GPR108: variants seen among roughly 807,000 people sequenced by gnomAD.
The protein encoded by GPR108 is protein GPR108.
In GPR108, 60 loss-of-function variants were observed where a neutral mutation model predicts 74.3. That is an observed-to-expected ratio of 0.81 (90% confidence interval 0.66 to 1.00). The LOEUF (loss-of-function observed/expected upper bound fraction) is 1.00. Among genes scored for constraint, GPR108 ranks in the 50% least tolerant of loss-of-function variants. The pLI, the probability that GPR108 is intolerant of heterozygous loss-of-function variation, is 0.00. For synonymous variants in GPR108, 311 were observed against 292.4 expected (o/e 1.06, Z -0.65); for missense variants, 667 against 703.3 (o/e 0.95, Z 0.58).
At chr19:6,731,962 G>T in intron 13 of GPR108, 28 bp from the exon 14 acceptor site, 3 of 1,613,322 alleles carry the variant, frequency 1.9e-6, no homozygotes, top group Non-Finnish European at 1.7e-6. Flanking sequence ...CACAGGGTAC[G>T]GTCAGCGCGG....
chr19:6,736,110 G>A, intron 2 of GPR108, 152 bp from the exon 3 acceptor site: 1 of 698,822 alleles, frequency 1.4e-6, no homozygotes, highest in Non-Finnish European at 2.4e-6. Flanking sequence ...TAGAGTTGGG[G>A]TGGTGGGTGG....
Position 6,731,190 on chromosome 19 carries a change from C to G in GPR108, c.1434+9G>C. 1 of 1,598,258 alleles carries G rather than the reference C, an allele frequency of 6.3e-7. No individual in the cohort carries two copies. The highest frequency in any genetic ancestry group is 8.5e-7 in the Non-Finnish European group (1 of 1,170,162). ...CCGCCCTCCCGTCCCACCTGGGCCT[C>G]GGGCTCACCTGGTACAGCCACTGCC... On this transcript the variant is annotated intron_variant, in intron 16 of 17. Transcript: ENST00000264080.
chr19:6,730,295 C>T lies in GPR108; in HGVS notation c.*17G>A, dbSNP rs1568234618. 6.2e-7 allele frequency: 1 copy of T among 1,610,838 alleles called. No homozygotes were observed. The highest frequency in any genetic ancestry group is 8.5e-7 in the Non-Finnish European group (1 of 1,177,212). On this transcript the variant is annotated 3_prime_UTR_variant, in exon 18 of 18. Transcript: ENST00000264080. Reference sequence around the variant, plus strand: ...TGCTGGGGGAGGACGACCCTTTGGTCTGAGATGTGGAGGTGATCATAACAG... The same window carrying T: ...TGCTGGGGGAGGACGACCCTTTGGTTTGAGATGTGGAGGTGATCATAACAG...
Position 6,730,990 on chromosome 19 carries a change from T to C in GPR108, c.1556A>G (p.Gln519Arg). 6.5e-7 allele frequency: 1 copy of C among 1,534,034 alleles called. No homozygotes were observed. Among genetic ancestry groups the C allele is most frequent in the Non-Finnish European group, 8.9e-7 (1 of 1,129,436 alleles). The part of the protein sequence containing the change: ...QEDEEDVQME[Q>R]VMTDSGFREG... ...CTGCCCATGGTGCCCAGCTCACACTTGCTCCATCTGAACATCCTCCTCGTC... is the reference window on the plus strand; with the variant it reads ...CTGCCCATGGTGCCCAGCTCACACTCGCTCCATCTGAACATCCTCCTCGTC... Residue 519 changes from glutamine (Q) to arginine (R), a missense_variant, in exon 17 of 18, where the codon CAA becomes CGA. Physicochemically the swap from Gln to Arg is conservative, Grantham distance 43. Transcript: ENST00000264080.
intron 1 of GPR108, chr19:6,737,213 C>A: frequency 1.9e-6 from 1 of 535,716 alleles, no homozygotes; most frequent in Non-Finnish European, 3.3e-6. Context: ...GGTGTAGTCC[C>A]CAAGAGATGG....
At position 6,734,299 on chromosome 19, in the gene GPR108, A is replaced by G. The variant is rs780287270; in HGVS notation, c.383T>C (p.Val128Ala). 8 of 1,599,066 alleles carry G rather than the reference A, an allele frequency of 5.0e-6. No homozygotes were observed. The highest frequency in any genetic ancestry group is 1.7e-5 in the Admixed American group (1 of 59,790). ...CGTCTTCTGCTCTCCATACTTCCGC[A>G]CCTGGACCCTGGGGTGAGGGTGGGG... ...LINTKDLQVQ[V>A]RKYGEQKTLF... Residue 128 changes from valine (V) to alanine (A), a missense_variant, in exon 5 of 18, where the codon GTG becomes GCG. Physicochemically the swap from Val to Ala is moderately conservative, Grantham distance 64. Coordinates refer to ENST00000264080, the MANE Select transcript of GPR108 (RefSeq NM_001080452.2).
chr19:6,733,067 T>TG lies in GPR108; in HGVS notation c.858-6dup. 1 of 1,612,410 alleles carries TG rather than the reference T, an allele frequency of 6.2e-7. No homozygotes were observed. The highest frequency in any genetic ancestry group is 1.7e-5 in the Admixed American group (1 of 59,858). On this transcript the variant is annotated splice_polypyrimidine_tract_variant and splice_region_variant and intron_variant, in intron 9 of 17. Transcript: ENST00000264080. ...TGGATCTTGAAGACGCTGTACCTGG[T>TG]GGGAGGGTCAGGGAGAGATGGGGGT... is the stretch of plus-strand genomic sequence containing the variant.
Position 6,732,263 on chromosome 19 carries a change from C to G in GPR108, c.1125G>C (p.Gln375His). The change falls in exon 12 of 18, where the codon CAG (glutamine) becomes CAC (histidine). Residue 375 changes from glutamine to histidine, a missense_variant and splice_region_variant. Transcript: ENST00000264080. Reference sequence around the variant, plus strand: ...GCTCCGGAGGCTGCTCCATCCGCACCTGCATGGGGATCACGATCCCAAAGA... The same window carrying G: ...GCTCCGGAGGCTGCTCCATCCGCACGTGCATGGGGATCACGATCCCAAAGA... ...KKVFGIVIPM[Q>H]VLANVAYIII... 1.2e-6 allele frequency: 2 copies of G among 1,612,180 alleles called. No individual in the cohort carries two copies. Among genetic ancestry groups the G allele is most frequent in the South Asian group, 2.2e-5 (2 of 91,088 alleles).
intron 4 of GPR108, chr19:6,735,356 C>A: frequency 2.5e-6 from 1 of 404,600 alleles, no homozygotes; most frequent in Non-Finnish European, 4.5e-6. Flanking sequence ...AGCTCCGGGA[C>A]ACCGGAAGCA....
In GPR108 at chr19:6,733,828, G is replaced by A; in HGVS notation, c.618+17C>T. ...CTCTGGGGTGACGGAAGGGCCGCAGGCGCTGCAAACACTCACACTGAAGTT... is the reference window on the plus strand; with the variant it reads ...CTCTGGGGTGACGGAAGGGCCGCAGACGCTGCAAACACTCACACTGAAGTT... On this transcript the variant is annotated intron_variant, in intron 7 of 17. Transcript: ENST00000264080. 1.9e-6 allele frequency: 3 copies of A among 1,613,782 alleles called. No individual in the cohort carries two copies. The highest frequency in any genetic ancestry group is 1.1e-5 in the South Asian group (1 of 91,072).
At chr19:6,734,848 C>CATCATCATTATT in intron 4 of GPR108, among the ~76,000 whole-genome samples, 1 of 139,724 alleles carries the variant, frequency 7.2e-6, no homozygotes, top group East Asian at 2.1e-4. Context: ...GCCAGCCCTA[C>CATCATCATTATT]ATTATTATTA....
In GPR108 at chr19:6,735,918, C is replaced by G. The variant is rs11539588; in HGVS notation, c.281G>C (p.Arg94Pro). Reference sequence around the variant, plus strand: ...ATGCCCTCCACTCACTGAATAGGAGCGAACTCTGCCAGACCGAACCCGGCT... The same window carrying G: ...ATGCCCTCCACTCACTGAATAGGAGGGAACTCTGCCAGACCGAACCCGGCT... ...SLSRVRSGRV[R>P]SYSTRDFQDC... Residue 94 changes from arginine (R) to proline (P), a missense_variant, in exon 3 of 18, where the codon CGC (arginine) becomes CCC (proline). Arg to Pro is a moderately radical substitution (Grantham distance 103, BLOSUM62 -2). Transcript: ENST00000264080. The G allele has an allele frequency of 1.9e-6, 3 of 1,611,606 alleles. No homozygotes were observed. The highest frequency in any genetic ancestry group is 2.2e-5 in the South Asian group (2 of 90,638).
In GPR108 at chr19:6,735,784, C is replaced by G. The variant is rs919983295; in HGVS notation, c.292-80G>C. The G allele has an allele frequency of 9.4e-5, 144 of 1,540,096 alleles. 2 individuals are homozygous for G. The African/African-American group carries it at 1.8e-3, about 19-fold the overall frequency. On this transcript the variant is annotated intron_variant, in intron 3 of 17. Transcript: ENST00000264080. ...CCACCCTGTCTCCCTCCCTGTCCAC[C>G]CACGGGATCTTCCTGCTCCTGCCTC... is the stretch of plus-strand genomic sequence containing the variant.
intron 1 of GPR108, 176 bp downstream of exon 1, chr19:6,737,281 C>T (rs1327313920): frequency 2.4e-6 from 2 of 818,762 alleles, no homozygotes; most frequent in East Asian, 6.5e-5. Context: ...GCAACTCCAT[C>T]CGGAGGACCG....
Position 6,735,501 on chromosome 19 carries a change from A to G in GPR108, c.374+121T>C, listed in dbSNP as rs1968597181. 4.7e-6 allele frequency: 4 copies of G among 850,016 alleles called. 1 individual carries two copies. In the South Asian group the frequency reaches 6.6e-5, roughly 14 times the overall value. The allele number at this position is 850,016 out of a possible 1,614,324, so 52.7% of individuals were successfully genotyped here. On this transcript the variant is annotated intron_variant, in intron 4 of 17. Transcript: ENST00000264080. ...AATCAGAAGACTTGAAGGCAAAACT[A>G]AAAAGTAAGTGGCTTTCTCTCTCTG...
chr19:6,734,135 G>A, intron 5 of GPR108, 48 bp downstream of exon 5: 1 of 1,614,198 alleles, frequency 6.2e-7, no homozygotes, highest in Non-Finnish European at 8.5e-7. Context: ...GGAGTGCAAA[G>A]GGCAGACCTG....
intron 8 of GPR108, 24 bp downstream of exon 8, chr19:6,733,546 C>T: frequency 6.2e-7 from 1 of 1,603,156 alleles, no homozygotes; most frequent in Non-Finnish European, 8.5e-7. Flanking sequence ...GCTCCCTGGC[C>T]CTGCTGCCCT....
Position 6,731,890 on chromosome 19 carries a change from C to T in GPR108, c.1300+1G>A, listed in dbSNP as rs768162199. The stretch of plus-strand genomic sequence containing the variant: ...GAGGGCCTGCAGGCGCAGGGCCTCA[C>T]CCTTCCCGTCTGTGCCAGACGCATC... On this transcript the variant is annotated splice_donor_variant, in intron 14 of 17. Coordinates refer to ENST00000264080, the MANE Select transcript of GPR108 (RefSeq NM_001080452.2). LOFTEE classifies it high-confidence loss of function. 3.7e-6 allele frequency: 6 copies of T among 1,611,874 alleles called. No individual in the cohort carries two copies. Among genetic ancestry groups the T allele is most frequent in the Non-Finnish European group, 5.1e-6 (6 of 1,179,554 alleles).
chr19:6,737,580 T>C lies in GPR108; in HGVS notation c.-4A>G, dbSNP rs756467417. Reference sequence around the variant, plus strand: ...CCCTCCTCTCGCTCACTGCCATCTCTGGAGCCACCTCCTCCCCGACTCCGC... The same window carrying C: ...CCCTCCTCTCGCTCACTGCCATCTCCGGAGCCACCTCCTCCCCGACTCCGC... On this transcript the variant is annotated 5_prime_UTR_variant, in exon 1 of 18. Coordinates refer to ENST00000264080, the MANE Select transcript of GPR108 (RefSeq NM_001080452.2). The C allele has an allele frequency of 6.8e-7, 1 of 1,473,018 alleles. No individual in the cohort carries two copies. The highest frequency in any genetic ancestry group is 9.0e-7 in the Non-Finnish European group (1 of 1,116,562). The allele number at this position is 1,473,018 out of a possible 1,614,324, so 91.2% of individuals were successfully genotyped here.
Sources: gnomAD v4.1 joint callset for allele counts (sites outside exome capture counted in the v4.1 genomes callset) on GRCh38, gnomAD v4.1.1 for gene constraint, MANE v1.5 for transcripts, NCBI Gene and HGNC (gene_info 2026-07-23, HGNC 2026-07-21) for gene names.